Variants in ASB3 observed in about 807,000 individuals in gnomAD.
ASB3 encodes the protein ankyrin repeat and SOCS box containing 3.
ASB3 carries 41 observed loss-of-function variants against 54.5 expected under a neutral mutation model. That is an observed-to-expected ratio of 0.75 (90% CI 0.59 to 0.98). The LOEUF (loss-of-function observed/expected upper bound fraction) is 0.98. ASB3 is among the 50% of genes least tolerant of loss of function. The probability of loss-of-function intolerance (pLI) is 0.00; values close to 1 mark genes in which losing one functional copy is unlikely to be tolerated. For synonymous variants in ASB3, 266 were observed against 221.2 expected (o/e 1.20, Z -1.80); for missense variants, 733 against 620.0 (o/e 1.18, Z -1.94).
At chr2:53,685,423 G>A (rs1290793142) in intron 9 of ASB3, among the ~76,000 whole-genome samples, 1 of 152,128 alleles carries the variant, frequency 6.6e-6, no homozygotes, top group African/African-American at 2.4e-5. Flanking sequence ...AGCTGCGCAG[G>A]ATCACCAAAC....
intron 5 of ASB3, among the ~76,000 whole-genome samples, chr2:53,722,210 G>A (rs188648765): frequency 2.3e-4 from 34 of 150,414 alleles, no homozygotes; most frequent in Non-Finnish European, 1.9e-4. Context: ...CAAAAGTCCT[G>A]GACCACATGA....
chr2:53,751,135 A>G (rs1019166358), intron 2 of ASB3, among the ~76,000 whole-genome samples, 194 bp from the exon 3 acceptor site: 3 of 152,158 alleles, frequency 2.0e-5, no homozygotes, highest in African/African-American at 7.2e-5. Context: ...GCTCTTTGGT[A>G]TTCTTAATAC....
chr2:53,694,690 G>C (rs1669092716), intron 8 of ASB3: 1 of 152,112 alleles, frequency 6.6e-6, no homozygotes, highest in Admixed American at 6.6e-5. Context: ...AATGGAAAGA[G>C]CACTGGCTTA....
At chr2:53,747,851 A>G (rs114928280) in intron 3 of ASB3, among the ~76,000 whole-genome samples, 55 of 152,370 alleles carry the variant, frequency 3.6e-4, no homozygotes, top group African/African-American at 1.3e-3. Flanking sequence ...GGTGGGCACA[A>G]TAAGTCACAT....
rs7569182 is a variant in ASB3, at chr2:53,670,468, G to A, written c.*35C>T. 4 of 1,591,714 alleles carry A rather than the reference G, an allele frequency of 2.5e-6. No individual in the cohort carries two copies. The highest frequency in any genetic ancestry group is 3.4e-6 in the Non-Finnish European group (4 of 1,173,282). On this transcript the variant is annotated 3_prime_UTR_variant, in exon 10 of 10. Coordinates refer to ENST00000263634, the MANE Select transcript of ASB3 (RefSeq NM_016115.5). ...TCTTTTGTCTCGATGATTTTTCAGAGAAAAAAATTAGCTGTGTTAAGTAGT... is the reference window on the plus strand; with the variant it reads ...TCTTTTGTCTCGATGATTTTTCAGAAAAAAAAATTAGCTGTGTTAAGTAGT...
intron 2 of ASB3, among the ~76,000 whole-genome samples, chr2:53,762,237 T>C (rs2104074738): frequency 6.6e-6 from 1 of 152,250 alleles, no homozygotes; most frequent in African/African-American, 2.4e-5. Flanking sequence ...ACAAATTTGC[T>C]GACTGACTAG....
chr2:53,697,459 C>T (rs11678816), intron 8 of ASB3, among the ~76,000 whole-genome samples: 97 of 103,842 alleles, frequency 9.3e-4, no homozygotes, highest in Non-Finnish European at 1.7e-3. Context: ...TATGGACTTG[C>T]CCCGAATTCT....
chr2:53,780,242 G>GT (rs1387147658), intron 1 of ASB3, among the ~76,000 whole-genome samples: 3 of 152,250 alleles, frequency 2.0e-5, no homozygotes, highest in African/African-American at 7.2e-5. Flanking sequence ...TGGTATCAGT[G>GT]TATTTGTCAA....
intron 6 of ASB3, 77 bp downstream of exon 6, chr2:53,716,489 G>A (rs1670398706): frequency 1.3e-6 from 2 of 1,523,940 alleles, no homozygotes; most frequent in African/African-American, 1.4e-5. Flanking sequence ...GCCTAGAGGT[G>A]AAGGGTCTAG....
chr2:53,710,561 C>T (rs1670037244), intron 7 of ASB3, among the ~76,000 whole-genome samples: 1 of 152,202 alleles, frequency 6.6e-6, no homozygotes, highest in South Asian at 2.1e-4. Context: ...TTTAGGTTGT[C>T]TCCTGGACAT....
At chr2:53,678,352 T>C (rs1434457340) in intron 9 of ASB3, among the ~76,000 whole-genome samples, 1 of 152,198 alleles carries the variant, frequency 6.6e-6, no homozygotes, top group Non-Finnish European at 1.5e-5. Flanking sequence ...TCATCATTTT[T>C]ATCACATAAC....
rs370902387 is a variant in ASB3 at position 53,696,764 on chromosome 2, A to T, written c.1239-2750T>A. Among the ~76,000 whole-genome samples, 3 of 152,320 alleles carry T rather than the reference A, an allele frequency of 2.0e-5. 1 individual carries two copies. On this transcript the variant is annotated intron_variant, in intron 8 of 9. Transcript: ENST00000263634. Reference sequence around the variant, plus strand: ...ACACAAATTTAAAATACAGTACAACAACTATTTACATAGCATTTATAAGGC... The same window carrying T: ...ACACAAATTTAAAATACAGTACAACTACTATTTACATAGCATTTATAAGGC...
intron 2 of ASB3, among the ~76,000 whole-genome samples, chr2:53,764,972 G>C (rs1481604550): frequency 6.6e-6 from 1 of 152,190 alleles, no homozygotes; most frequent in Non-Finnish European, 1.5e-5. Context: ...ATTCCCAAAA[G>C]TATTAAAAAG....
intron 3 of ASB3, among the ~76,000 whole-genome samples, chr2:53,736,333 A>G (rs1671625393): frequency 6.6e-6 from 1 of 152,174 alleles, no homozygotes; most frequent in South Asian, 2.1e-4. Flanking sequence ...TGAAACACAG[A>G]GTAAGTATCC....
At chr2:53,677,786 G>T (rs892656617) in intron 9 of ASB3, among the ~76,000 whole-genome samples, 1 of 152,100 alleles carries the variant, frequency 6.6e-6, no homozygotes, top group African/African-American at 2.4e-5. Flanking sequence ...CACAGGGTTT[G>T]CCCTCATGTT....
intron 2 of ASB3, 62 bp from the exon 3 acceptor site, chr2:53,751,003 G>A: frequency 5.0e-6 from 7 of 1,402,040 alleles, no homozygotes; most frequent in Non-Finnish European, 6.5e-6. Context: ...GTTTTAAAAA[G>A]CAAAGATTCC....
At position 53,767,786 on chromosome 2, in the gene ASB3, C is replaced by A. The variant is rs547286784; in HGVS notation, c.-13-2201G>T. 3.0e-4 allele frequency: 443 copies of A among 1,460,324 alleles called. 3 individuals carry two copies. The East Asian group carries it at 0.01, about 34-fold the overall frequency. The allele number at this position is 1,460,324 out of a possible 1,614,324, so 90.5% of individuals were successfully genotyped here. ...GCGCCCCAAGTGGCCATCGCGCCTG[C>A]GCCCCGCGCGGCCGGTTACTCGCTT... On this transcript the variant is annotated intron_variant, in intron 1 of 9. Transcript: ENST00000263634.
intron 8 of ASB3, among the ~76,000 whole-genome samples, chr2:53,698,676 A>C (rs1050347283): frequency 2.6e-5 from 4 of 152,180 alleles, no homozygotes; most frequent in Non-Finnish European, 5.9e-5. Context: ...CCACTTTCCA[A>C]CAGGGTATTG....
intron 1 of ASB3, among the ~76,000 whole-genome samples, chr2:53,784,189 TA>T (rs1674809208): frequency 2.0e-5 from 3 of 152,244 alleles, no homozygotes; most frequent in African/African-American, 7.2e-5. Context: ...AAATAGTTGA[TA>T]AGTTTTCAAT....
Sources: allele counts gnomAD v4.1 joint callset (sites outside exome capture counted in the v4.1 genomes callset), GRCh38; gene constraint gnomAD v4.1.1; transcripts MANE v1.5; gene names NCBI Gene and HGNC (gene_info 2026-07-23, HGNC 2026-07-21).